The following PXDNL variants were observed in gnomAD, a reference collection of about 807,000 sequenced individuals.
PXDNL encodes peroxidasin like.
PXDNL carries 145 observed loss-of-function variants against 150.8 expected under a neutral mutation model. The ratio of observed to expected loss-of-function variants is 0.96; its 90% CI spans 0.84 to 1.10. The LOEUF is 1.10. Ranked by LOEUF, PXDNL falls within the 50% of genes least tolerant of loss-of-function variation. PXDNL has a pLI of 0.00. For missense variants in PXDNL, 2,087 were observed against 1,873.9 expected (o/e 1.11, Z -2.10); for synonymous variants, 757 against 725.7 (o/e 1.04, Z -0.69).
At chr8:51,430,648 A>G (rs1181789458) in intron 12 of PXDNL, among the ~76,000 whole-genome samples, 3 of 129,750 alleles carry the variant, frequency 2.3e-5, no homozygotes. Flanking sequence ...GTGTCTCTCC[A>G]GTTTGCAAAC....
At chr8:51,711,371 C>G (rs192108702) in intron 1 of PXDNL, among the ~76,000 whole-genome samples, 1 of 152,292 alleles carries the variant, frequency 6.6e-6, no homozygotes, top group African/African-American at 2.4e-5. Context: ...CTCCTGACCT[C>G]AAGTGATCCA....
chr8:51,481,776 C>T (rs1324529473), intron 6 of PXDNL, among the ~76,000 whole-genome samples: 6 of 152,196 alleles, frequency 3.9e-5, no homozygotes. Context: ...GCCTTAGAAG[C>T]TTACATGTGG....
rs1304732232 is a variant in PXDNL, at chr8:51,438,840, A to T, written c.1525+8164T>A. On this transcript the variant is annotated intron_variant, in intron 12 of 22. Coordinates refer to ENST00000356297, the MANE Select transcript of PXDNL (RefSeq NM_144651.5). ...AAGTGGGGAAAGGATACCCTATTCA[A>T]CAAATGGTGCTGGGATAATTGGCAA... 3.3e-5 allele frequency among the ~76,000 whole-genome samples: 5 copies of T among 152,382 alleles called. No homozygotes were observed. In the East Asian group the frequency reaches 9.6e-4, roughly 29 times the overall value.
intron 3 of PXDNL, among the ~76,000 whole-genome samples, chr8:51,584,177 C>A (rs1347310132): frequency 6.6e-6 from 1 of 152,160 alleles, no homozygotes; most frequent in East Asian, 1.9e-4. Flanking sequence ...TACAAGATGA[C>A]AATCAGGATG....
chr8:51,584,687 G>T (rs908075377), intron 3 of PXDNL, among the ~76,000 whole-genome samples: 1 of 152,130 alleles, frequency 6.6e-6, no homozygotes, highest in South Asian at 2.1e-4. Context: ...CACATACCAG[G>T]AACTTTAGAA....
Position 51,758,024 on chromosome 8 carries a change from TTTAA to T in PXDNL, c.164+51153_164+51156del, listed in dbSNP as rs199604857. Among the ~76,000 whole-genome samples the T allele has an allele frequency of 8.7e-3, 1,331 of 152,286 alleles. 10 individuals are homozygous for T. Among genetic ancestry groups the T allele is most frequent in the Middle Eastern group, 0.017 (5 of 294 alleles). ...TTTTTCATGTACTTTGAAAAGTTTT[TTTAA>T]TAATATAAACTACCTTAAAATTAAA... On this transcript the variant is annotated intron_variant, in intron 1 of 22. Transcript: ENST00000356297.
intron 3 of PXDNL, among the ~76,000 whole-genome samples, chr8:51,585,462 T>C (rs1185433456): frequency 6.6e-6 from 1 of 152,026 alleles, no homozygotes; most frequent in African/African-American, 2.4e-5. Context: ...GAACATGCAA[T>C]GTCACTAACA....
chr8:51,609,943 G>A (rs1023355574), intron 2 of PXDNL, among the ~76,000 whole-genome samples: 2 of 152,146 alleles, frequency 1.3e-5, no homozygotes, highest in African/African-American at 2.4e-5. Context: ...TGTTTGCAAA[G>A]CCCCGTTTTT....
At chr8:51,727,085 T>C (rs1816830186) in intron 1 of PXDNL, among the ~76,000 whole-genome samples, 1 of 152,196 alleles carries the variant, frequency 6.6e-6, no homozygotes, top group African/African-American at 2.4e-5. Context: ...ATGACACCAA[T>C]ATAATACAAA....
chr8:51,609,381 T>C lies in PXDNL; in HGVS notation c.237-16683A>G, dbSNP rs543809136. Among the ~76,000 whole-genome samples, 3 of 152,264 alleles carry C rather than the reference T, an allele frequency of 2.0e-5. No individual in the cohort carries two copies. In the South Asian group the frequency reaches 6.2e-4, roughly 32 times the overall value. On this transcript the variant is annotated intron_variant, in intron 2 of 22. Coordinates refer to ENST00000356297, the MANE Select transcript of PXDNL (RefSeq NM_144651.5). ...TGGACTACCTGGAAATATGGGATTG[T>C]CCTTGGGAGGACACATCAGGAAGTG...
chr8:51,540,345 C>T (rs1010541566), intron 4 of PXDNL, among the ~76,000 whole-genome samples: 3 of 152,078 alleles, frequency 2.0e-5, no homozygotes, highest in African/African-American at 7.2e-5. Flanking sequence ...TTATTAATTC[C>T]AAATATCACC....
At chr8:51,763,303 C>T (rs1200959273) in intron 1 of PXDNL, among the ~76,000 whole-genome samples, 5 of 149,320 alleles carry the variant, frequency 3.3e-5, no homozygotes, top group Non-Finnish European at 5.9e-5. Flanking sequence ...GCACATGTAC[C>T]CTAGAACTTA....
intron 2 of PXDNL, among the ~76,000 whole-genome samples, chr8:51,628,750 A>C (rs1229600951): frequency 6.6e-6 from 1 of 151,986 alleles, no homozygotes; most frequent in Non-Finnish European, 1.5e-5. Context: ...GCATTAGGGA[A>C]ATCTCTACCA....
At chr8:51,691,108 A>G (rs1350246236) in intron 1 of PXDNL, among the ~76,000 whole-genome samples, 1 of 152,106 alleles carries the variant, frequency 6.6e-6, no homozygotes, top group East Asian at 1.9e-4. Context: ...GTTTTCTCCC[A>G]TTTTTTAGGT....
chr8:51,362,530 T>C (rs1262123048), intron 19 of PXDNL, among the ~76,000 whole-genome samples: 1 of 152,252 alleles, frequency 6.6e-6, no homozygotes, highest in African/African-American at 2.4e-5. Flanking sequence ...AAACCTTTTT[T>C]AAAGTGCTTT....
intron 2 of PXDNL, among the ~76,000 whole-genome samples, chr8:51,630,279 T>C (rs557878951): frequency 6.6e-6 from 1 of 152,214 alleles, no homozygotes; most frequent in South Asian, 2.1e-4. Flanking sequence ...TATATAAAAA[T>C]AAATTCAAGA....
At chr8:51,569,304 A>G (rs1812882080) in intron 3 of PXDNL, among the ~76,000 whole-genome samples, 1 of 151,932 alleles carries the variant, frequency 6.6e-6, no homozygotes, top group Non-Finnish European at 1.5e-5. Context: ...GCGAATTTCT[A>G]ATTAATTTCC....
At chr8:51,492,767 G>A (rs76788329) in intron 5 of PXDNL, among the ~76,000 whole-genome samples, 170 of 152,292 alleles carry the variant, frequency 1.1e-3, no homozygotes, top group Non-Finnish European at 2.0e-3. Flanking sequence ...GCTTGACTAC[G>A]TAAACAAAGC....
chr8:51,605,642 A>G (rs1238945214), intron 2 of PXDNL, among the ~76,000 whole-genome samples: 1 of 152,240 alleles, frequency 6.6e-6, no homozygotes, highest in Non-Finnish European at 1.5e-5. Context: ...GTAGAATAAA[A>G]GAAAAATTAT....
Sources: gnomAD v4.1 joint callset for allele counts (sites outside exome capture counted in the v4.1 genomes callset) on GRCh38, gnomAD v4.1.1 for gene constraint, MANE v1.5 for transcripts, NCBI Gene and HGNC (gene_info 2026-07-23, HGNC 2026-07-21) for gene names.